ABCF3: variants seen among roughly 807,000 people sequenced by gnomAD.
ABCF3 encodes the protein ATP-binding cassette sub-family F member 3.
A neutral mutation model predicts 94.3 loss-of-function variants in ABCF3; 62 were observed. The ratio of observed to expected loss-of-function variants is 0.66; its 90% confidence interval spans 0.54 to 0.81. ABCF3 has a LOEUF of 0.81. Ranked by LOEUF, ABCF3 falls within the 40% of genes least tolerant of loss-of-function variation. ABCF3 has a pLI of 0.00. For missense variants in ABCF3, 843 were observed against 925.3 expected (o/e 0.91, Z 1.15); for synonymous variants, 355 against 361.1 (o/e 0.98, Z 0.19).
Position 184,188,230 on chromosome 3 carries a change from T to C in ABCF3, c.659T>C (p.Leu220Pro). 6.2e-7 allele frequency: 1 copy of C among 1,614,150 alleles called. No homozygotes were observed. The highest frequency in any genetic ancestry group is 8.5e-7 in the Non-Finnish European group (1 of 1,180,038). The change falls in exon 7 of 21, where the codon CTG (leucine) becomes CCG (proline). Residue 220 changes from leucine to proline, a missense_variant. Physicochemically the swap from Leu to Pro is moderately conservative, Grantham distance 98 (BLOSUM62 -3). Transcript: ENST00000429586. ...AATGGGTTGGGGAAGACAACGTTACTGAAGATGCTGGCCACCCGGAGTCTG... is the reference window on the plus strand; with the variant it reads ...AATGGGTTGGGGAAGACAACGTTACCGAAGATGCTGGCCACCCGGAGTCTG... ...GRNGLGKTTLLKMLATRSLRV... is the reference protein window; with the variant it reads ...GRNGLGKTTLPKMLATRSLRV...
In ABCF3 at chr3:184,188,876, CT is replaced by C. The variant is rs769790392; in HGVS notation, c.917+38del. 134 of 1,614,054 alleles carry C rather than the reference CT, an allele frequency of 8.3e-5. 2 individuals are homozygous for C. In the South Asian group the frequency reaches 1.4e-3, roughly 17 times the overall value. ...GCTCCCCCTCCCTCCTTCAGATTTCCTTTCCCTTCTGTGGACTGTTCCAACT... is the reference window on the plus strand; with the variant it reads ...GCTCCCCCTCCCTCCTTCAGATTTCCTTCCCTTCTGTGGACTGTTCCAACT... On this transcript the variant is annotated intron_variant, in intron 8 of 20. Coordinates refer to ENST00000429586, the MANE Select transcript of ABCF3 (RefSeq NM_018358.3).
Position 184,193,343 on chromosome 3 carries a change from C to T in ABCF3, c.1884-22C>T, listed in dbSNP as rs374115171. 86 of 1,613,996 alleles carry T rather than the reference C, an allele frequency of 5.3e-5. No individual in the cohort carries two copies. Among genetic ancestry groups the T allele is most frequent in the Non-Finnish European group, 6.8e-5 (80 of 1,179,992 alleles). ...TCTCACCGCACCCCTTCACTGCCCA[C>T]CTTCCTGGTTCTGCCTTCCAGCCCC... On this transcript the variant is annotated intron_variant, in intron 19 of 20. Coordinates refer to ENST00000429586, the MANE Select transcript of ABCF3 (RefSeq NM_018358.3). This position sits in a 1 kb window ranked among gnomAD's most constrained non-coding sequence, Gnocchi z 5.2.
chr3:184,189,468 G>A, intron 12 of ABCF3, 25 bp downstream of exon 12: 1 of 1,614,058 alleles, frequency 6.2e-7, no homozygotes, highest in South Asian at 1.1e-5. Flanking sequence ...GTGCTGGAGT[G>A]TGTTGGGGAA....
At chr3:184,186,896 A>G in intron 3 of ABCF3, 21 bp downstream of exon 3, 2 of 1,608,330 alleles carry the variant, frequency 1.2e-6, no homozygotes, top group Non-Finnish European at 1.7e-6. Flanking sequence ...GGGGAGGTTG[A>G]ACTAACTGCC....
rs778995740 is a variant in ABCF3 at position 184,193,415 on chromosome 3, C to T, written c.1934C>T (p.Thr645Ile). The change falls in exon 20 of 21, where the codon ACC becomes ATC. Residue 645 changes from threonine to isoleucine, a missense_variant. Thr to Ile is a moderately conservative substitution (Grantham distance 89). Coordinates refer to ENST00000429586, the MANE Select transcript of ABCF3 (RefSeq NM_018358.3). This position sits in a 1 kb window ranked among gnomAD's most constrained non-coding sequence, Gnocchi z 5.2. The stretch of plus-strand genomic sequence containing the variant: ...CCCACAAACCACCTGGACATGGAGA[C>T]CATTGAGGCTCTGGGCCGTGCCCTC... The part of the protein sequence containing the change: ...DEPTNHLDME[T>I]IEALGRALNN... 3 of 1,614,058 alleles carry T rather than the reference C, an allele frequency of 1.9e-6. No homozygotes were observed. The African/African-American group carries it at 4.0e-5, about 22-fold the overall frequency.
intron 2 of ABCF3, 48 bp from the exon 3 acceptor site, chr3:184,186,748 C>CT (rs761019397): frequency 5.0e-6 from 8 of 1,600,898 alleles, no homozygotes; most frequent in Non-Finnish European, 6.8e-6. Context: ...GGCCATAGAG[C>CT]TTTTCCCTCA....
intron 16 of ABCF3, 61 bp from the exon 17 acceptor site, chr3:184,192,540 T>G: frequency 6.8e-7 from 1 of 1,476,542 alleles, no homozygotes; most frequent in Non-Finnish European, 9.2e-7. Flanking sequence ...CACATATGAA[T>G]GAGAACATAC....
rs374230238 is a variant in ABCF3, at chr3:184,186,787, C to T, written c.222-9C>T. 2.5e-6 allele frequency: 4 copies of T among 1,612,346 alleles called. No individual in the cohort carries two copies. In the African/African-American group the frequency reaches 5.3e-5, roughly 22 times the overall value. On this transcript the variant is annotated splice_polypyrimidine_tract_variant and intron_variant, in intron 2 of 20. Coordinates refer to ENST00000429586, the MANE Select transcript of ABCF3 (RefSeq NM_018358.3). ...CCTAACTCTGCGCTTTCTATCCCTACCCACATAGGGCTGAGCCACAAAGCC... is the reference window on the plus strand; with the variant it reads ...CCTAACTCTGCGCTTTCTATCCCTATCCACATAGGGCTGAGCCACAAAGCC...
At chr3:184,192,961 C>G in intron 18 of ABCF3, 65 bp downstream of exon 18, 1 of 1,593,860 alleles carries the variant, frequency 6.3e-7, no homozygotes. Flanking sequence ...CTGACCCCGG[C>G]AGCTAGGCCT....
In ABCF3 at chr3:184,189,594, G is replaced by A. The variant is rs763952670; in HGVS notation, c.1151G>A (p.Arg384His). The change falls in exon 13 of 21, where the codon CGC becomes CAC. Residue 384 changes from arginine to histidine, a missense_variant. Transcript: ENST00000429586. Reference protein sequence around the residue: ...PSTILVVSHDRNFLNAIATDI... With the variant: ...PSTILVVSHDHNFLNAIATDI... ...ACCATCCTAGTCGTCTCCCACGACC[G>A]CAACTTCTTGAATGCCATCGCCACA... 2.6e-5 allele frequency: 42 copies of A among 1,614,044 alleles called. No homozygotes were observed. The highest frequency in any genetic ancestry group is 3.1e-5 in the Non-Finnish European group (37 of 1,180,042).
At chr3:184,192,773 G>A (rs1716111003) in intron 17 of ABCF3, 32 bp from the exon 18 acceptor site, 1 of 1,613,204 alleles carries the variant, frequency 6.2e-7, no homozygotes, top group Non-Finnish European at 8.5e-7. Flanking sequence ...CATTGCCTTT[G>A]TCTGTTTTTC....
intron 6 of ABCF3, 47 bp downstream of exon 6, chr3:184,188,030 A>G: frequency 6.2e-7 from 1 of 1,613,318 alleles, no homozygotes; most frequent in Non-Finnish European, 8.5e-7. Flanking sequence ...TTCTAATTAG[A>G]GGACAATTTG....
chr3:184,192,210 A>G (rs1000855803), intron 16 of ABCF3, among the ~76,000 whole-genome samples: 3 of 152,190 alleles, frequency 2.0e-5, no homozygotes, highest in African/African-American at 7.2e-5. Flanking sequence ...ACTTCCATGC[A>G]TGTATACAAT....
At chr3:184,190,953 T>C in intron 14 of ABCF3, 46 bp from the exon 15 acceptor site, 2 of 1,606,222 alleles carry the variant, frequency 1.2e-6, no homozygotes, top group Non-Finnish European at 1.7e-6. Context: ...TGTAGGAAGT[T>C]ATTTTTTTAA....
chr3:184,189,531 G>A (rs759203820), intron 12 of ABCF3, 26 bp from the exon 13 acceptor site: 7 of 1,613,664 alleles, frequency 4.3e-6, no homozygotes, highest in Non-Finnish European at 5.1e-6. Flanking sequence ...CTCCCAAACC[G>A]GGCCTGCTGT....
In ABCF3 at chr3:184,187,937, T is replaced by G; in HGVS notation, c.523T>G (p.Ser175Ala). 4 of 1,613,924 alleles carry G rather than the reference T, an allele frequency of 2.5e-6. No homozygotes were observed. Among genetic ancestry groups the G allele is most frequent in the Non-Finnish European group, 2.5e-6 (3 of 1,179,950 alleles). The change falls in exon 6 of 21, where the codon TCC (serine) becomes GCC (alanine). Residue 175 changes from serine to alanine, a missense_variant. Transcript: ENST00000429586. ...SRLESSGKNK[S>A]YDVRIENFDV... The stretch of plus-strand genomic sequence containing the variant: ...GTTGGAATCATCTGGCAAGAACAAA[T>G]CCTATGATGTGCGAATTGAGAACTT...
intron 12 of ABCF3, 47 bp downstream of exon 12, chr3:184,189,490 A>C (rs769074174): frequency 2.5e-6 from 4 of 1,613,860 alleles, no homozygotes; most frequent in Non-Finnish European, 3.4e-6. Flanking sequence ...GGCGGCCTCC[A>C]AGATACCTGG....
Position 184,187,419 on chromosome 3 carries a change from ACTG to A in ABCF3, c.327_329del (p.Leu110del). 6.2e-7 allele frequency: 1 copy of A among 1,613,826 alleles called. No individual in the cohort carries two copies. ...CAGACTGTGGAACCAAACTTCCAGG[ACTG>A]CTAAAGAGGGAACAGTCCTCGGTGA... On this transcript the variant is annotated inframe_deletion, in exon 4 of 21. Coordinates refer to ENST00000429586, the MANE Select transcript of ABCF3 (RefSeq NM_018358.3).
chr3:184,189,979 T>C, intron 14 of ABCF3, 48 bp downstream of exon 14: 1 of 1,600,902 alleles, frequency 6.2e-7, no homozygotes, highest in Non-Finnish European at 8.6e-7. Context: ...TCTCTTCGTC[T>C]CCTTCCGCAT....
Sources: gnomAD v4.1 joint callset for allele counts (sites outside exome capture counted in the v4.1 genomes callset) on GRCh38, gnomAD v4.1.1 for gene constraint, Gnocchi (gnomAD v3.1) non-coding constraint, MANE v1.5 for transcripts, NCBI Gene and HGNC (gene_info 2026-07-23, HGNC 2026-07-21) for gene names.